The following PLXNA2 variants were observed in gnomAD, a reference collection of about 807,000 sequenced individuals.
PLXNA2 encodes the protein plexin A2, also known as plexin-A2.
Under a neutral mutation model 193.5 loss-of-function variants are expected in PLXNA2, and 91 were observed. The ratio of observed to expected loss-of-function variants is 0.47; its 90% CI spans 0.40 to 0.56. The LOEUF is 0.56. PLXNA2 is among the 20% of genes least tolerant of loss of function. PLXNA2 has a pLI of 0.00. For synonymous variants in PLXNA2, 997 were observed against 1,027.3 expected (o/e 0.97, Z 0.56); for missense variants, 1,995 against 2,503.2 (o/e 0.80, Z 4.33).
chr1:208,110,699 G>A (rs756290037), intron 4 of PLXNA2, among the ~76,000 whole-genome samples: 3 of 152,142 alleles, frequency 2.0e-5, no homozygotes, highest in Non-Finnish European at 4.4e-5. Context: ...TCCTTTGTAG[G>A]GTAACAGAAA....
chr1:208,215,893 T>G (rs1671111032), intron 2 of PLXNA2, among the ~76,000 whole-genome samples: 1 of 152,334 alleles, frequency 6.6e-6, no homozygotes, highest in Admixed American at 6.5e-5. Context: ...TCCTCAGGTC[T>G]GGATTCTGAG....
Position 208,098,912 on chromosome 1 carries a change from G to C in PLXNA2, c.1665C>G (p.Ser555Arg), listed in dbSNP as rs1279883056. The stretch of plus-strand genomic sequence containing the variant: ...CTGCAAGGCTCACACACTGGCTGAT[G>C]CTGGCAGCAAATCGATTAGGTTCCC... Reference protein sequence around the residue: ...QAWEPNRFAASISQCVSLAVH... With the variant: ...QAWEPNRFAARISQCVSLAVH... The change falls in exon 6 of 32, where the codon AGC becomes AGG. Residue 555 changes from serine to arginine, a missense_variant. Around this residue, in one of 3 missense-constraint regions of PLXNA2, gnomAD observed 702 missense variants for 812.9 expected, o/e 0.86. Coordinates refer to ENST00000367033, the MANE Select transcript of PLXNA2 (RefSeq NM_025179.4). 6.2e-7 allele frequency: 1 copy of C among 1,613,828 alleles called. No homozygotes were observed. The highest frequency in any genetic ancestry group is 2.2e-5 in the East Asian group (1 of 44,890).
chr1:208,142,191 G>T (rs528724505), intron 4 of PLXNA2, 138 bp downstream of exon 4: 2 of 906,604 alleles, frequency 2.2e-6, no homozygotes, highest in South Asian at 2.3e-5. Flanking sequence ...AAGCCTACAG[G>T]CACTCTGCCT....
At chr1:208,042,002 G>T in intron 22 of PLXNA2, 96 bp downstream of exon 22, 1 of 1,312,518 alleles carries the variant, frequency 7.6e-7, no homozygotes, top group Non-Finnish European at 1.1e-6. Flanking sequence ...CTGGGGAGTG[G>T]GCCTTCTCAT....
At chr1:208,053,640 A>G (rs1172636694) in intron 14 of PLXNA2, among the ~76,000 whole-genome samples, 1 of 152,204 alleles carries the variant, frequency 6.6e-6, no homozygotes, top group Non-Finnish European at 1.5e-5. Context: ...TGCTAGTGTT[A>G]ATGCCTTTTA....
In PLXNA2 at chr1:208,044,640, G is replaced by C; in HGVS notation, c.3742C>G (p.Leu1248Val). 6.2e-7 allele frequency: 1 copy of C among 1,614,082 alleles called. No homozygotes were observed. Among genetic ancestry groups the C allele is most frequent in the African/African-American group, 1.3e-5 (1 of 75,040 alleles). ...AIVSIAAGGSLLLIIVIIVLI... is the reference protein window; with the variant it reads ...AIVSIAAGGSVLLIIVIIVLI... ...ACGATGATGACGATGATGAGGAGGA[G>C]GCTGCCGCCGGCCGCGATGCTGACG... The change falls in exon 20 of 32, where the codon CTC becomes GTC. Residue 1248 changes from leucine to valine, a missense_variant. Physicochemically the swap from Leu to Val is conservative, Grantham distance 32. Transcript: ENST00000367033. This position sits in a 1 kb window ranked among gnomAD's most constrained non-coding sequence, Gnocchi z 4.9.
intron 20 of PLXNA2, among the ~76,000 whole-genome samples, chr1:208,043,467 G>GA (rs34299980): frequency 1.3e-5 from 2 of 151,796 alleles, no homozygotes; most frequent in Non-Finnish European, 2.9e-5. Context: ...TTTCAACAAG[G>GA]AAAAAAAAGT....
At chr1:208,180,132 A>G (rs1046179460) in intron 3 of PLXNA2, among the ~76,000 whole-genome samples, 1 of 150,194 alleles carries the variant, frequency 6.7e-6, no homozygotes, top group Non-Finnish European at 1.5e-5. Flanking sequence ...CCTCCACAAC[A>G]GGCGGTTTAG....
intron 4 of PLXNA2, among the ~76,000 whole-genome samples, chr1:208,109,229 C>T (rs1667383929): frequency 6.6e-6 from 1 of 152,134 alleles, no homozygotes; most frequent in Non-Finnish European, 1.5e-5. Context: ...GGGCAGAGCA[C>T]ACAGCAGCTG....
chr1:208,156,392 C>T (rs1244365288), intron 3 of PLXNA2, among the ~76,000 whole-genome samples: 2 of 151,878 alleles, frequency 1.3e-5, no homozygotes, highest in Non-Finnish European at 2.9e-5. Context: ...TGAGCACATG[C>T]TACGAATTGG....
chr1:208,096,071 A>G lies in PLXNA2; in HGVS notation c.1940T>C (p.Val647Ala). The change falls in exon 8 of 32, where the codon GTC (valine) becomes GCC (alanine). Residue 647 changes from valine to alanine, a missense_variant. Val to Ala is a moderately conservative substitution (Grantham distance 64). Transcript: ENST00000367033. ...LRSKETGKIF[V>A]STEFKFYNCS... ...GTTGTAAAACTTGAACTCGGTGCTG[A>G]CAAATATCTTCCCTGTCTCCTTGGA... 1 of 1,614,158 alleles carries G rather than the reference A, an allele frequency of 6.2e-7. No homozygotes were observed. The highest frequency in any genetic ancestry group is 8.5e-7 in the Non-Finnish European group (1 of 1,180,008).
At chr1:208,046,910 T>C (rs550918475) in intron 17 of PLXNA2, among the ~76,000 whole-genome samples, 1 of 152,142 alleles carries the variant, frequency 6.6e-6, no homozygotes, top group African/African-American at 2.4e-5. Flanking sequence ...GTTCAGTTAA[T>C]GTTGATTGAA....
intron 5 of PLXNA2, among the ~76,000 whole-genome samples, chr1:208,100,809 C>T (rs950653666): frequency 6.6e-6 from 1 of 152,222 alleles, no homozygotes; most frequent in African/African-American, 2.4e-5. Context: ...CTAGGCTCCC[C>T]TGCCCACAGT....
chr1:208,031,766 G>A lies in PLXNA2; in HGVS notation c.5056-7C>T. On this transcript the variant is annotated splice_polypyrimidine_tract_variant and splice_region_variant and intron_variant, in intron 28 of 31. Coordinates refer to ENST00000367033, the MANE Select transcript of PLXNA2 (RefSeq NM_025179.4). ...CAAACTTCTGCAGGGTGCCCTGGAG[G>A]AGGGGTGGGGGAGAGTAAGATGGAG... 1 of 1,593,354 alleles carries A rather than the reference G, an allele frequency of 6.3e-7. No homozygotes were observed. Among genetic ancestry groups the A allele is most frequent in the Non-Finnish European group, 8.6e-7 (1 of 1,166,672 alleles).
intron 4 of PLXNA2, among the ~76,000 whole-genome samples, chr1:208,142,122 T>C (rs1018899145): frequency 6.6e-6 from 1 of 152,236 alleles, no homozygotes; most frequent in Non-Finnish European, 1.5e-5. Context: ...GGCTGTGGCC[T>C]AGAGTGAAGC....
intron 4 of PLXNA2, among the ~76,000 whole-genome samples, chr1:208,132,738 T>C (rs528684126): frequency 1.3e-5 from 2 of 152,316 alleles, no homozygotes; most frequent in African/African-American, 4.8e-5. Flanking sequence ...GGGGCACAAC[T>C]GTAAAAATAT....
At chr1:208,128,307 T>G (rs1298720472) in intron 4 of PLXNA2, among the ~76,000 whole-genome samples, 1 of 152,084 alleles carries the variant, frequency 6.6e-6, no homozygotes, top group East Asian at 1.9e-4. Flanking sequence ...GGGCAACGTG[T>G]TAGTTGTGGG....
chr1:208,037,127 G>A (rs1043355789), intron 26 of PLXNA2, among the ~76,000 whole-genome samples: 4 of 152,112 alleles, frequency 2.6e-5, no homozygotes, highest in African/African-American at 9.7e-5. Context: ...TCACACTTTC[G>A]CAAGTCAGGG....
intron 2 of PLXNA2, 42 bp downstream of exon 2, chr1:208,216,693 G>A (rs1480651247): frequency 6.4e-7 from 1 of 1,574,796 alleles, no homozygotes; most frequent in South Asian, 1.2e-5. Context: ...GTTGGAACCT[G>A]TGTCATGGAG....
Sources: allele counts gnomAD v4.1 joint callset (sites outside exome capture counted in the v4.1 genomes callset), GRCh38; gene constraint gnomAD v4.1.1; regional missense constraint gnomAD v4.1.1; non-coding constraint Gnocchi (gnomAD v3.1); transcripts MANE v1.5; gene names NCBI Gene and HGNC (gene_info 2026-07-23, HGNC 2026-07-21).